The following SRFBP1 variants were observed in gnomAD, a reference collection of about 807,000 sequenced individuals.
SRFBP1 encodes the protein serum response factor-binding protein 1.
A neutral mutation model predicts 45.5 loss-of-function variants in SRFBP1; 47 were observed. That is an observed-to-expected ratio of 1.03 (90% CI 0.82 to 1.32). SRFBP1 has a LOEUF of 1.32. SRFBP1 is among the 40% of genes most tolerant of loss of function. SRFBP1 has a pLI of 0.00. For synonymous variants in SRFBP1, 203 were observed against 166.3 expected (o/e 1.22, Z -1.70); for missense variants, 621 against 484.6 (o/e 1.28, Z -2.64).
At chr5:122,011,181 A>G (rs1478854209) in intron 4 of SRFBP1, among the ~76,000 whole-genome samples, 1 of 152,166 alleles carries the variant, frequency 6.6e-6, no homozygotes, top group Non-Finnish European at 1.5e-5. Flanking sequence ...GTAGCATTTC[A>G]AAGAAGAGAT....
At chr5:121,984,228 G>A (rs1222238752) in intron 3 of SRFBP1, among the ~76,000 whole-genome samples, 4 of 151,822 alleles carry the variant, frequency 2.6e-5, no homozygotes, top group African/African-American at 9.7e-5. Context: ...ATGGATGGGA[G>A]TTTTGTATGA....
chr5:122,023,996 T>C (rs1753416545), intron 7 of SRFBP1, among the ~76,000 whole-genome samples: 1 of 152,238 alleles, frequency 6.6e-6, no homozygotes, highest in Non-Finnish European at 1.5e-5. Flanking sequence ...GCCATACATT[T>C]AGTCTTATCT....
intron 1 of SRFBP1, among the ~76,000 whole-genome samples, chr5:121,964,860 T>A (rs1253168083): frequency 6.6e-6 from 1 of 152,168 alleles, no homozygotes; most frequent in African/African-American, 2.4e-5. Context: ...ATCTGTTGTT[T>A]CCTGACTTTT....
intron 3 of SRFBP1, among the ~76,000 whole-genome samples, chr5:121,994,180 T>C (rs1170111047): frequency 1.3e-5 from 2 of 152,066 alleles, no homozygotes; most frequent in Non-Finnish European, 2.9e-5. Flanking sequence ...AGTTGTGTTT[T>C]ATTTGATGCA....
intron 4 of SRFBP1, among the ~76,000 whole-genome samples, chr5:122,002,516 A>G (rs1752890331): frequency 6.6e-6 from 1 of 152,154 alleles, no homozygotes; most frequent in Non-Finnish European, 1.5e-5. Flanking sequence ...TTAGATTTAG[A>G]ATTACGTATT....
chr5:122,077,052 CG>C (rs751010054), downstream of SRFBP1: 595 of 1,602,480 alleles, frequency 3.7e-4, no homozygotes, highest in Non-Finnish European at 4.8e-4. The surrounding 1 kb of genome is among the most constrained non-coding windows in gnomAD (Gnocchi z 4.9). Flanking sequence ...CGGCGCCCCC[CG>C]CTCCAACTCC....
At chr5:122,067,626 T>C (rs994549575) in intron 2 of SRFBP1, among the ~76,000 whole-genome samples, 4 of 152,102 alleles carry the variant, frequency 2.6e-5, no homozygotes, top group African/African-American at 9.7e-5. Flanking sequence ...GCCTCCAGAA[T>C]AAATTTTAGC....
chr5:122,049,332 T>G (rs937823984), intron 2 of SRFBP1, among the ~76,000 whole-genome samples: 3 of 152,156 alleles, frequency 2.0e-5, no homozygotes, highest in South Asian at 4.1e-4. Context: ...CTAAGTATCC[T>G]AAATATGTAT....
At chr5:122,078,824 G>C (rs942680521), downstream of SRFBP1, among the ~76,000 whole-genome samples, 2 of 152,130 alleles carry the variant, frequency 1.3e-5, no homozygotes, top group South Asian at 4.2e-4. Flanking sequence ...ATGAGAAATG[G>C]GTTACAAATT....
chr5:122,035,357 C>T (rs1753676099), intron 2 of SRFBP1, among the ~76,000 whole-genome samples: 1 of 152,182 alleles, frequency 6.6e-6, no homozygotes, highest in African/African-American at 2.4e-5. Flanking sequence ...CTTATGTCAG[C>T]AGCTCTCAGG....
chr5:121,975,488 G>A (rs1335894780), intron 3 of SRFBP1, 101 bp downstream of exon 3: 4 of 1,259,926 alleles, frequency 3.2e-6, no homozygotes, highest in Non-Finnish European at 4.6e-6. Context: ...ATTCCCGAGA[G>A]TTGCGTAAGA....
chr5:121,976,254 C>T (rs1199943065), intron 3 of SRFBP1, among the ~76,000 whole-genome samples: 10 of 152,018 alleles, frequency 6.6e-5, no homozygotes, highest in Middle Eastern at 3.4e-3. Flanking sequence ...ATCTAGGAAA[C>T]GACTCTTTGA....
At chr5:121,982,090 A>G (rs925779277) in intron 3 of SRFBP1, among the ~76,000 whole-genome samples, 1 of 151,858 alleles carries the variant, frequency 6.6e-6, no homozygotes, top group African/African-American at 2.4e-5. Flanking sequence ...CTTTTTGCTT[A>G]TTAAGTATCA....
In SRFBP1 at chr5:122,027,908, A is replaced by G. The variant is rs1753520586; in HGVS notation, c.*782A>G. The G allele has an allele frequency of 6.6e-6, 1 of 152,160 alleles. No individual in the cohort carries two copies. Among genetic ancestry groups the G allele is most frequent in the Non-Finnish European group, 1.5e-5 (1 of 68,026 alleles). 9.4% of individuals were successfully genotyped at this position (152,160 alleles called of 1,614,324 possible). A position where few individuals can be genotyped will look rare whatever the true frequency, so the allele number is the denominator to read the frequency against. On this transcript the variant is annotated 3_prime_UTR_variant, in exon 8 of 8. Transcript: ENST00000339397. The stretch of plus-strand genomic sequence containing the variant: ...GTTTTATGTTTCACTGCATATAAAT[A>G]TTTCCATTAAATCAAGAATGTATAT...
chr5:122,072,997 A>G (rs192200383), intron 2 of SRFBP1, among the ~76,000 whole-genome samples: 12 of 152,314 alleles, frequency 7.9e-5, no homozygotes, highest in Non-Finnish European at 1.5e-4. Flanking sequence ...TTAAGTAAGT[A>G]CTGTCCTGGG....
intron 2 of SRFBP1, among the ~76,000 whole-genome samples, chr5:122,033,769 C>T (rs1315183329): frequency 2.0e-5 from 3 of 149,164 alleles, no homozygotes; most frequent in African/African-American, 7.4e-5. Context: ...GGTGCTTCTG[C>T]TTTCTTGTTT....
intron 3 of SRFBP1, among the ~76,000 whole-genome samples, chr5:121,980,534 A>G (rs536530145): frequency 2.0e-5 from 3 of 151,980 alleles, no homozygotes; most frequent in African/African-American, 4.8e-5. Flanking sequence ...CTCTGATAGT[A>G]TTTTCATTTT....
At chr5:121,989,055 ATTTGTTTGTTTG>A (rs140803937) in intron 3 of SRFBP1, among the ~76,000 whole-genome samples, 1 of 151,020 alleles carries the variant, frequency 6.6e-6, no homozygotes, top group Non-Finnish European at 1.5e-5. Context: ...AGATATTGGA[ATTTGTTTGTTTG>A]TTTGTTTGTT....
chr5:122,007,458 G>C (rs11954930), intron 4 of SRFBP1, among the ~76,000 whole-genome samples: 9 of 151,950 alleles, frequency 5.9e-5, no homozygotes, highest in Non-Finnish European at 1.3e-4. Context: ...GTGCTGACAT[G>C]GTGTCTGGAG....
Sources: gnomAD v4.1 joint callset for allele counts (sites outside exome capture counted in the v4.1 genomes callset) on GRCh38, gnomAD v4.1.1 for gene constraint, Gnocchi (gnomAD v3.1) non-coding constraint, MANE v1.5 for transcripts, NCBI Gene and HGNC (gene_info 2026-07-23, HGNC 2026-07-21) for gene names.